Variants in TTN observed in about 807,000 individuals in gnomAD.
The protein encoded by TTN is connectin.
In TTN, 1,525 loss-of-function variants were observed where a neutral mutation model predicts 3,223.0. The ratio of observed to expected loss-of-function variants is 0.47; its 90% CI spans 0.45 to 0.49. The LOEUF (loss-of-function observed/expected upper bound fraction) is 0.49, where lower values mean the gene tolerates loss of function less well. Among genes scored for constraint, TTN ranks in the 20% least tolerant of loss-of-function variants. The probability of loss-of-function intolerance (pLI) is 0.00; values close to 1 mark genes in which losing one functional copy is unlikely to be tolerated. For missense variants in TTN, 40,786 were observed against 43,424.0 expected, an observed-to-expected ratio of 0.94 and a Z score of 5.40; for synonymous variants, 14,094 against 15,161.0, an observed-to-expected ratio of 0.93 and a Z score of 5.17.
Position 178,732,482 on chromosome 2 carries a change from C to T in TTN, c.16579G>A (p.Val5527Ile), listed in dbSNP as rs1334663895. The T allele has an allele frequency of 2.5e-6, 4 of 1,612,976 alleles. No homozygotes were observed. Among genetic ancestry groups the T allele is most frequent in the East Asian group, 2.2e-5 (1 of 44,840 alleles). ...SGTYTCKVSN[V>I]AGGVECSANL... The stretch of plus-strand genomic sequence containing the variant: ...GCACTGCATTCCACCCCTCCAGCGA[C>T]ATTGCTGACTTTACATGTGTACGTG... Residue 5527 changes from valine (V) to isoleucine (I), a missense_variant, in exon 56 of 363, where the codon GTC becomes ATC. Val to Ile is a conservative substitution (Grantham distance 29). Transcript: ENST00000589042.
Position 178,546,779 on chromosome 2 carries a change from T to C in TTN, c.94649A>G (p.Glu31550Gly), listed in dbSNP as rs1263522750. 1 of 1,613,592 alleles carries C rather than the reference T, an allele frequency of 6.2e-7. No individual in the cohort carries two copies. Among genetic ancestry groups the C allele is most frequent in the Non-Finnish European group, 8.5e-7 (1 of 1,179,726 alleles). ...CTTCAGCCAGCGACCATCTCCTACC[T>C]CACTGACTGGCTTACGCTCTATGAT... ...GYIIERKPVS[E>G]VGDGRWLKCN... The change falls in exon 341 of 363, where the codon GAG becomes GGG. Residue 31550 changes from glutamate (E) to glycine (G), a missense_variant. Transcript: ENST00000589042.
At chr2:178,674,663 A>G (rs1238213892) in intron 150 of TTN, among the ~76,000 whole-genome samples, 1 of 151,416 alleles carries the variant, frequency 6.6e-6, no homozygotes, top group Admixed American at 6.6e-5. Flanking sequence ...GTTTGAAGTC[A>G]AACAGCCACT....
At chr2:178,748,563 T>A in intron 47 of TTN, 1 of 1,613,112 alleles carries the variant, frequency 6.2e-7, no homozygotes. Flanking sequence ...AATACAATGT[T>A]CTCAGTGTCA....
At chr2:178,691,274 C>T (rs868638638) in intron 121 of TTN, among the ~76,000 whole-genome samples, 57 of 152,054 alleles carry the variant, frequency 3.7e-4, no homozygotes, top group African/African-American at 1.3e-3. Flanking sequence ...TGAATGGATG[C>T]GTGCAATTGT....
chr2:178,568,911 G>A lies in TTN; in HGVS notation c.77221C>T (p.His25741Tyr), dbSNP rs756616171. The A allele has an allele frequency of 2.5e-6, 4 of 1,613,272 alleles. No homozygotes were observed. In the South Asian group the frequency reaches 4.4e-5, roughly 18 times the overall value. The change falls in exon 326 of 363, where the codon CAC (histidine) becomes TAC (tyrosine). Residue 25741 changes from histidine (H) to tyrosine (Y), a missense_variant. Physicochemically the swap from His to Tyr is moderately conservative, Grantham distance 83 (BLOSUM62 2). Transcript: ENST00000589042. ...GCACACTCTGACCATTTCTCACTGT[G>A]TTTAGCTTGCATTTCCACAATATAC... ...IQYIVEMQAK[H>Y]SEKWSECARV...
Position 178,632,632 on chromosome 2 carries a change from A to T in TTN, c.43374T>A (p.Asp14458Glu). ...TGATCACCATTGAATGCTTAGTGCC[A>T]TCCTTTATAAGCTCAAATCTGTCAT... ...TGDDRFELIK[D>E]GTKHSMVIKS... The change falls in exon 235 of 363, where the codon GAT (aspartate) becomes GAA (glutamate). Residue 14458 changes from aspartate (D) to glutamate (E), a missense_variant. By Grantham distance (45) the Asp-to-Glu change is conservative. Coordinates refer to ENST00000589042, the MANE Select transcript of TTN (RefSeq NM_001267550.2). 5.0e-6 allele frequency: 8 copies of T among 1,613,524 alleles called. No individual in the cohort carries two copies. The highest frequency in any genetic ancestry group is 6.8e-6 in the Non-Finnish European group (8 of 1,179,592).
Position 178,793,538 on chromosome 2 carries a change from T to C in TTN, c.1402A>G (p.Arg468Gly). 6.2e-7 allele frequency: 1 copy of C among 1,613,760 alleles called. No homozygotes were observed. Among genetic ancestry groups the C allele is most frequent in the Non-Finnish European group, 8.5e-7 (1 of 1,180,010 alleles). Residue 468 changes from arginine to glycine, a missense_variant, in exon 9 of 363, where the codon AGA becomes GGA. By Grantham distance (125) the Arg-to-Gly change is moderately radical (BLOSUM62 -2). Transcript: ENST00000589042. ...ACAGCAGTCTTCTCCGCTTCCTTTC[T>C]TACCTGCTTTTCATAGAGAAAGGAA... ...VHIQPAQEQVRKEAEKTAVTK... is the reference protein window; with the variant it reads ...VHIQPAQEQVGKEAEKTAVTK...
intron 321 of TTN, 141 bp downstream of exon 321, chr2:178,578,470 A>G: frequency 1.6e-6 from 1 of 637,358 alleles, no homozygotes; most frequent in East Asian, 3.0e-5. Flanking sequence ...AAAATTAAAC[A>G]TTAACCATAT....
intron 238 of TTN, among the ~76,000 whole-genome samples, 173 bp downstream of exon 238, chr2:178,630,631 C>G (rs901962423): frequency 2.6e-5 from 4 of 152,054 alleles, no homozygotes; most frequent in African/African-American, 9.7e-5. Context: ...AAAAGTAATG[C>G]AAGTGTGCCA....
rs72648273 is a variant in TTN, at chr2:178,539,771, G to C, written c.98294C>G (p.Ala32765Gly). 4,679 of 1,613,794 alleles carry C rather than the reference G, an allele frequency of 2.9e-3. 7 individuals carry two copies. Among genetic ancestry groups the C allele is most frequent in the Middle Eastern group, 4.3e-3 (26 of 6,062 alleles). ...ETHTELVIKE[A>G]DRGDSGTYDL... ...ATAAGTGCCAGAATCACCCCTGTCT[G>C]CTTCTTTGATCACAAGCTCAGTGTG... Residue 32765 changes from alanine (A) to glycine (G), a missense_variant, in exon 352 of 363, where the codon GCA becomes GGA. By Grantham distance (60) the Ala-to-Gly change is moderately conservative. Transcript: ENST00000589042.
intron 15 of TTN, among the ~76,000 whole-genome samples, chr2:178,784,815 T>G (rs2093050153): frequency 6.6e-6 from 1 of 152,196 alleles, no homozygotes; most frequent in African/African-American, 2.4e-5. Context: ...ATGAAGACAT[T>G]CAGAAAAAAT....
At chr2:178,797,523 G>C (rs539807688) in intron 6 of TTN, among the ~76,000 whole-genome samples, 1 of 151,534 alleles carries the variant, frequency 6.6e-6, no homozygotes, top group Non-Finnish European at 1.5e-5. Context: ...GTTATTTGTC[G>C]TAAGTGTTGC....
At chr2:178,635,803 A>T in intron 226 of TTN, 88 bp from the exon 227 acceptor site, 1 of 1,521,032 alleles carries the variant, frequency 6.6e-7, no homozygotes, top group Admixed American at 2.4e-5. Context: ...AATAGGAAAA[A>T]TTTCACAATA....
rs1300990720 is a variant in TTN, at chr2:178,543,236, G to C, written c.96737C>G (p.Thr32246Arg). Residue 32246 changes from threonine (T) to arginine (R), a missense_variant, in exon 347 of 363, where the codon ACA (threonine) becomes AGA (arginine). Transcript: ENST00000589042. ...GYVLEACKAG[T>R]ERWMKVVTLK... ...GGTGACAACCTTCATCCATCTCTCTGTGCCAGCTTTGCAGGCCTCGAGAAC... is the reference window on the plus strand; with the variant it reads ...GGTGACAACCTTCATCCATCTCTCTCTGCCAGCTTTGCAGGCCTCGAGAAC... The C allele has an allele frequency of 3.7e-6, 6 of 1,613,628 alleles. No homozygotes were observed. Among genetic ancestry groups the C allele is most frequent in the South Asian group, 1.1e-5 (1 of 91,056 alleles).
At chr2:178,746,746 T>C in intron 47 of TTN, 1 of 1,613,424 alleles carries the variant, frequency 6.2e-7, no homozygotes, top group Non-Finnish European at 8.5e-7. Flanking sequence ...AAGATTTATT[T>C]CGATACCATT....
chr2:178,638,420 A>C (rs889672274), intron 223 of TTN, among the ~76,000 whole-genome samples: 1 of 151,464 alleles, frequency 6.6e-6, no homozygotes, highest in South Asian at 2.1e-4. Context: ...TGATTTATTA[A>C]AGATATAAGC....
Position 178,576,145 on chromosome 2 carries a change from C to T in TTN, c.69987G>A (p.Val23329=). ...INDAGVGEPA[V]IPDVEIVERE... ...GTTCTACGATTTCAACATCTGGAAT[C>T]ACCGCTGGCTCCCCAACACCTGCAT... The change falls in exon 326 of 363, where the codon GTG becomes GTA. Residue 23329 remains valine, a synonymous_variant. Coordinates refer to ENST00000589042, the MANE Select transcript of TTN (RefSeq NM_001267550.2). The surrounding 1 kb of genome is among the most constrained non-coding windows in gnomAD (Gnocchi z 4.3). The T allele has an allele frequency of 5.0e-6, 8 of 1,613,354 alleles. No homozygotes were observed. The highest frequency in any genetic ancestry group is 6.8e-6 in the Non-Finnish European group (8 of 1,179,556).
chr2:178,600,132 A>C (rs899708066), intron 288 of TTN, among the ~76,000 whole-genome samples: 2 of 151,914 alleles, frequency 1.3e-5, no homozygotes, highest in Non-Finnish European at 2.9e-5. Flanking sequence ...TTATATTCTC[A>C]TATCCTGACA....
rs1697179878 is a variant in TTN, at chr2:178,546,458, C to T, written c.94873G>A (p.Val31625Ile). The change falls in exon 342 of 363, where the codon GTT becomes ATT. Residue 31625 changes from valine (V) to isoleucine (I), a missense_variant. Physicochemically the swap from Val to Ile is conservative, Grantham distance 29 (BLOSUM62 3). Coordinates refer to ENST00000589042, the MANE Select transcript of TTN (RefSeq NM_001267550.2). ...ELDARLHGDL[V>I]TIRAGSDLVL... is the part of the protein sequence containing the mutation. ...AGATCAGAACCTGCTCTGATGGTAA[C>T]CAGATCACCGTGTAATCGGGCATCC... The T allele has an allele frequency of 6.2e-7, 1 of 1,613,480 alleles. No individual in the cohort carries two copies. The highest frequency in any genetic ancestry group is 1.3e-5 in the African/African-American group (1 of 74,888).
Sources: allele counts gnomAD v4.1 joint callset (sites outside exome capture counted in the v4.1 genomes callset), GRCh38; gene constraint gnomAD v4.1.1; non-coding constraint Gnocchi (gnomAD v3.1); transcripts MANE v1.5; gene names NCBI Gene and HGNC (gene_info 2026-07-23, HGNC 2026-07-21).